The following DENND1A variants were observed in gnomAD, a reference collection of about 807,000 sequenced individuals.
DENND1A encodes the protein DENN domain containing 1A.
A neutral mutation model predicts 113.7 loss-of-function variants in DENND1A; 51 were observed. The observed-to-expected ratio is 0.45, with a 90% CI of 0.36 to 0.57. DENND1A has a LOEUF of 0.57. Ranked by LOEUF, DENND1A falls within the 20% of genes least tolerant of loss-of-function variation. The pLI is 0.00. For missense variants in DENND1A, 1,258 were observed against 1,395.9 expected, an observed-to-expected ratio of 0.90 and a Z score of 1.57; for synonymous variants, 565 against 570.8, an observed-to-expected ratio of 0.99 and a Z score of 0.14.
At position 123,479,245 on chromosome 9, in the gene DENND1A, C is replaced by T. The variant is rs563649738; in HGVS notation, c.994-21348G>A. Among the ~76,000 whole-genome samples, 6 of 152,314 alleles carry T rather than the reference C, an allele frequency of 3.9e-5. No individual in the cohort carries two copies. The East Asian group carries it at 1.2e-3, about 29-fold the overall frequency. Reference sequence around the variant, plus strand: ...CTAAAGTCTGGGTTCTTTCCTCTGTCACCTGCCACCTTTCAAAAGGTCACC... The same window carrying T: ...CTAAAGTCTGGGTTCTTTCCTCTGTTACCTGCCACCTTTCAAAAGGTCACC... On this transcript the variant is annotated intron_variant, in intron 13 of 23. Transcript: ENST00000394215.
At chr9:123,446,630 G>C (rs950489865) in intron 18 of DENND1A, among the ~76,000 whole-genome samples, 1 of 152,066 alleles carries the variant, frequency 6.6e-6, no homozygotes, top group Non-Finnish European at 1.5e-5. Flanking sequence ...TTTGAGACCA[G>C]TATGGGCAAC....
intron 13 of DENND1A, among the ~76,000 whole-genome samples, chr9:123,536,875 TAACTC>T (rs1366755314): frequency 2.0e-5 from 3 of 152,208 alleles, no homozygotes; most frequent in Non-Finnish European, 4.4e-5. Context: ...GAAGAGCTGT[TAACTC>T]AGTGAAGTTA....
At chr9:123,685,941 A>C (rs2064781495) in intron 5 of DENND1A, among the ~76,000 whole-genome samples, 1 of 152,036 alleles carries the variant, frequency 6.6e-6, no homozygotes, top group Non-Finnish European at 1.5e-5. Context: ...TGAGGTTCTA[A>C]CTAAGGCCCA....
chr9:123,445,101 C>T (rs1270081912), intron 18 of DENND1A, among the ~76,000 whole-genome samples: 4 of 152,230 alleles, frequency 2.6e-5, no homozygotes, highest in Non-Finnish European at 5.9e-5. Context: ...CATGACTATG[C>T]TCTAACCTCC....
chr9:123,831,509 C>A (rs1042302917), intron 2 of DENND1A, among the ~76,000 whole-genome samples: 5 of 152,022 alleles, frequency 3.3e-5, no homozygotes, highest in Non-Finnish European at 5.9e-5. Flanking sequence ...TTAACAATAA[C>A]AAAATGGGAA....
At chr9:123,626,944 G>A (rs1401756449) in intron 10 of DENND1A, among the ~76,000 whole-genome samples, 1 of 152,222 alleles carries the variant, frequency 6.6e-6, no homozygotes, top group East Asian at 1.9e-4. Flanking sequence ...GGAATGGCAG[G>A]AGAGGAAGAG....
intron 19 of DENND1A, among the ~76,000 whole-genome samples, chr9:123,417,975 G>C (rs565436294): frequency 1.3e-5 from 2 of 152,254 alleles, no homozygotes; most frequent in Admixed American, 1.3e-4. Flanking sequence ...GGACAGGGCA[G>C]GCCAGGACCT....
At chr9:123,400,401 G>A (rs936522507) in intron 21 of DENND1A, 3 of 152,240 alleles carry the variant, frequency 2.0e-5, no homozygotes, top group African/African-American at 2.4e-5. Flanking sequence ...ATGAATGCAC[G>A]AATGGACAGA....
chr9:123,514,898 T>A (rs1000658783), intron 13 of DENND1A, among the ~76,000 whole-genome samples: 12 of 152,162 alleles, frequency 7.9e-5, no homozygotes, highest in African/African-American at 2.9e-4. Flanking sequence ...GAACCAGGAC[T>A]CACGGAGGAA....
At chr9:123,858,896 A>G (rs1163971595) in intron 2 of DENND1A, among the ~76,000 whole-genome samples, 1 of 152,258 alleles carries the variant, frequency 6.6e-6, no homozygotes, top group Admixed American at 6.5e-5. Flanking sequence ...GGGAAAATAA[A>G]AGGAGGAAAG....
At chr9:123,419,644 G>C (rs574629173) in intron 19 of DENND1A, among the ~76,000 whole-genome samples, 4 of 152,228 alleles carry the variant, frequency 2.6e-5, no homozygotes, top group African/African-American at 4.8e-5. Context: ...CGAGAGCAAG[G>C]CTCCTCTACA....
chr9:123,728,788 C>T (rs1476521806), intron 5 of DENND1A, among the ~76,000 whole-genome samples: 1 of 152,074 alleles, frequency 6.6e-6, no homozygotes, highest in Non-Finnish European at 1.5e-5. Flanking sequence ...AATCCTGATA[C>T]CAAAACCTGG....
intron 19 of DENND1A, 181 bp downstream of exon 19, chr9:123,440,179 T>G: frequency 3.9e-6 from 3 of 768,530 alleles, no homozygotes; most frequent in Non-Finnish European, 5.8e-6. Flanking sequence ...TCAAAATTTT[T>G]GAAAATTTGC....
At chr9:123,732,056 C>T (rs942561579) in intron 5 of DENND1A, among the ~76,000 whole-genome samples, 4 of 152,174 alleles carry the variant, frequency 2.6e-5, no homozygotes, top group African/African-American at 7.2e-5. Context: ...CTTGTGAGTA[C>T]GTGGGACAAC....
intron 13 of DENND1A, among the ~76,000 whole-genome samples, chr9:123,480,852 A>C (rs538665215): frequency 2.0e-5 from 3 of 152,202 alleles, no homozygotes; most frequent in Non-Finnish European, 4.4e-5. Flanking sequence ...AGTCCCATGA[A>C]ATGAAGCTGC....
intron 3 of DENND1A, among the ~76,000 whole-genome samples, chr9:123,780,775 C>A (rs1831192561): frequency 6.6e-6 from 1 of 151,974 alleles, no homozygotes; most frequent in Non-Finnish European, 1.5e-5. Flanking sequence ...TTATTTGGTT[C>A]CTCATCTACC....
At chr9:123,496,081 G>A (rs2051892727) in intron 13 of DENND1A, among the ~76,000 whole-genome samples, 1 of 152,204 alleles carries the variant, frequency 6.6e-6, no homozygotes, top group African/African-American at 2.4e-5. Flanking sequence ...TTCAGAATCT[G>A]ACAGCCAATT....
rs138258409 is a variant in DENND1A at position 123,848,763 on chromosome 9, A to G, written c.88+30188T>C. On this transcript the variant is annotated intron_variant, in intron 2 of 23. Coordinates refer to ENST00000394215, the MANE Select transcript of DENND1A (RefSeq NM_001352964.2). ...AAAGGAAATGTTCTTGAAGAAAAAG[A>G]AAAGTACTACTTCAGTAACACATGA... Among the ~76,000 whole-genome samples the G allele has an allele frequency of 2.6e-5, 4 of 152,354 alleles. No individual in the cohort carries two copies. In the East Asian group the frequency reaches 7.7e-4, roughly 29 times the overall value.
At chr9:123,641,178 T>C (rs945056372) in intron 9 of DENND1A, among the ~76,000 whole-genome samples, 1 of 152,222 alleles carries the variant, frequency 6.6e-6, no homozygotes, top group African/African-American at 2.4e-5. Context: ...AAGCACCTAG[T>C]AGGCGCTCAA....
Sources: allele counts gnomAD v4.1 joint callset (sites outside exome capture counted in the v4.1 genomes callset), GRCh38; gene constraint gnomAD v4.1.1; transcripts MANE v1.5; gene names NCBI Gene and HGNC (gene_info 2026-07-23, HGNC 2026-07-21).